Variants in AP1B1 observed in about 807,000 individuals in gnomAD.
AP1B1 encodes the protein AP-1 complex subunit beta-1.
Under a neutral mutation model 104.3 loss-of-function variants are expected in AP1B1, and 36 were observed. The observed-to-expected ratio is 0.35, with a 90% CI of 0.26 to 0.46. The LOEUF (loss-of-function observed/expected upper bound fraction) is 0.46. Among genes scored for constraint, AP1B1 ranks in the 20% least tolerant of loss-of-function variants. AP1B1 has a pLI of 1.00. For synonymous variants in AP1B1, 504 were observed against 517.5 expected (o/e 0.97, Z 0.35); for missense variants, 901 against 1,247.9 (o/e 0.72, Z 4.19).
chr22:29,330,261 T>G, intron 21 of AP1B1, 117 bp downstream of exon 21: 1 of 1,530,616 alleles, frequency 6.5e-7, no homozygotes, highest in Non-Finnish European at 8.8e-7. Flanking sequence ...ACCAAACTGA[T>G]TCTAGTTCAA....
At position 29,336,000 on chromosome 22, in the gene AP1B1, C is replaced by T. The variant is rs148032291; in HGVS notation, c.2164-1590G>A. On this transcript the variant is annotated intron_variant, in intron 16 of 22. Coordinates refer to ENST00000357586, the MANE Select transcript of AP1B1 (RefSeq NM_001127.4). ...TCCTTTCCCCTGGCCCTCTCTCAGT[C>T]GCCCAAGGCTGGGGATGCAGACCGC... 2.3e-3 allele frequency among the ~76,000 whole-genome samples: 352 copies of T among 152,308 alleles called. 1 individual carries two copies. Among genetic ancestry groups the T allele is most frequent in the Middle Eastern group, 0.02 (6 of 294 alleles).
rs766526825 is a variant in AP1B1, at chr22:29,359,931, T to C, written c.172A>G (p.Met58Val). 1 of 1,613,852 alleles carries C rather than the reference T, an allele frequency of 6.2e-7. No homozygotes were observed. The highest frequency in any genetic ancestry group is 1.3e-5 in the African/African-American group (1 of 74,924). Residue 58 changes from methionine to valine, a missense_variant, in exon 4 of 23, where the codon ATG becomes GTG. Transcript: ENST00000357586. ...TTCAGCTCCAGGTTGTCCGTCTGCATGCAGTTGACCACATCGGGGAAGAGG... is the reference window on the plus strand; with the variant it reads ...TTCAGCTCCAGGTTGTCCGTCTGCACGCAGTTGACCACATCGGGGAAGAGG... ...SALFPDVVNC[M>V]QTDNLELKKL...
chr22:29,342,659 G>A (rs1268971652), intron 11 of AP1B1, among the ~76,000 whole-genome samples: 4 of 152,196 alleles, frequency 2.6e-5, no homozygotes, highest in Admixed American at 6.5e-5. Context: ...CAGCCCTAGG[G>A]TTTTAGAAAC....
chr22:29,350,121 C>A lies in AP1B1; in HGVS notation c.1185G>T (p.Leu395=). The A allele has an allele frequency of 6.2e-7, 1 of 1,614,202 alleles. No homozygotes were observed. Among genetic ancestry groups the A allele is most frequent in the Non-Finnish European group, 8.5e-7 (1 of 1,180,024 alleles). ...EQSAERCVST[L]LDLIQTKVNY... Reference sequence around the variant, plus strand: ...TGACCTTGGTCTGGATGAGGTCGAGCAGCGTGCTCACACAGCGCTCCGCAG... The same window carrying A: ...TGACCTTGGTCTGGATGAGGTCGAGAAGCGTGCTCACACAGCGCTCCGCAG... Residue 395 remains leucine (L), a synonymous_variant, in exon 10 of 23, where the codon CTG becomes CTT. Transcript: ENST00000357586.
intron 16 of AP1B1, among the ~76,000 whole-genome samples, chr22:29,338,331 C>A (rs574205146): frequency 6.6e-6 from 1 of 152,226 alleles, no homozygotes; most frequent in Admixed American, 6.5e-5. Context: ...AATGGCACCA[C>A]TGGCCAAACC....
Position 29,362,937 on chromosome 22 carries a change from C to T in AP1B1, c.143+64G>A, listed in dbSNP as rs570744014. On this transcript the variant is annotated intron_variant, in intron 3 of 22. Transcript: ENST00000357586. ...ACCCTAAAGGAGAGACTGAAGTGGA[C>T]CCAAGCTATAAACCCTCCCCTGTCA... is the stretch of plus-strand genomic sequence containing the variant. The T allele has an allele frequency of 7.9e-6, 8 of 1,011,844 alleles. No homozygotes were observed. The East Asian group carries it at 1.4e-4, about 18-fold the overall frequency. 62.7% of individuals were successfully genotyped at this position (1,011,844 alleles called of 1,614,324 possible).
chr22:29,340,038 T>C (rs1323402376), intron 14 of AP1B1, among the ~76,000 whole-genome samples: 1 of 152,062 alleles, frequency 6.6e-6, no homozygotes, highest in Admixed American at 6.5e-5. Flanking sequence ...ATCACCAGTG[T>C]CCTGCCCCCG....
chr22:29,387,937 T>C (rs1344446517), intron 1 of AP1B1, among the ~76,000 whole-genome samples: 1 of 152,236 alleles, frequency 6.6e-6, no homozygotes, highest in Non-Finnish European at 1.5e-5. Flanking sequence ...TCCATTCAGT[T>C]AACTTGTCTT....
rs1267966456 is a variant in AP1B1 at position 29,343,719 on chromosome 22, AC to A, written c.1438-1337del. 2.0e-5 allele frequency among the ~76,000 whole-genome samples: 3 copies of A among 152,328 alleles called. No homozygotes were observed. The South Asian group carries it at 6.2e-4, about 32-fold the overall frequency. On this transcript the variant is annotated intron_variant, in intron 11 of 22. Coordinates refer to ENST00000357586, the MANE Select transcript of AP1B1 (RefSeq NM_001127.4). ...AGTTCTATCACTTCTCAGCTGACAG[AC>A]CCTCGGCAAGTCATTTAGCTTCTCT...
At chr22:29,355,263 C>T (rs190196631) in intron 6 of AP1B1, among the ~76,000 whole-genome samples, 8 of 151,028 alleles carry the variant, frequency 5.3e-5, no homozygotes, top group Non-Finnish European at 1.2e-4. Flanking sequence ...GCATGTTCAG[C>T]CTGGGCAAAA....
chr22:29,356,190 C>T (rs1458242096), intron 6 of AP1B1, among the ~76,000 whole-genome samples: 2 of 152,238 alleles, frequency 1.3e-5, no homozygotes, highest in South Asian at 4.1e-4. Flanking sequence ...TGGGCTTCTG[C>T]CAGCTCCAAG....
At chr22:29,349,144 T>G in intron 11 of AP1B1, 74 bp downstream of exon 11, 6 of 1,559,096 alleles carry the variant, frequency 3.8e-6, no homozygotes, top group Non-Finnish European at 5.2e-6. Context: ...AAGGGAGGGT[T>G]TCATGGCAGT....
intron 4 of AP1B1, 30 bp downstream of exon 4, chr22:29,359,794 T>G: frequency 3.1e-6 from 5 of 1,599,032 alleles, no homozygotes; most frequent in Non-Finnish European, 4.3e-6. Flanking sequence ...AAGCACCCAA[T>G]GTCCCCACGC....
chr22:29,339,673 C>T, intron 15 of AP1B1, 81 bp downstream of exon 15: 1 of 1,487,774 alleles, frequency 6.7e-7, no homozygotes, highest in South Asian at 1.2e-5. Context: ...ACATCACCCG[C>T]CCCCGCCCCT....
intron 1 of AP1B1, among the ~76,000 whole-genome samples, chr22:29,377,951 G>T (rs2062372877): frequency 6.6e-6 from 1 of 151,998 alleles, no homozygotes; most frequent in African/African-American, 2.4e-5. Flanking sequence ...TGGCAGTGCC[G>T]GCACTCTCCA....
chr22:29,385,057 G>GAGGGAAGAGTGCAA (rs1297305098), intron 1 of AP1B1, among the ~76,000 whole-genome samples: 2 of 152,034 alleles, frequency 1.3e-5, no homozygotes, highest in Non-Finnish European at 2.9e-5. Context: ...TGTTCAGGCA[G>GAGGGAAGAGTGCAA]AGGGAAGAGT....
chr22:29,385,852 C>T (rs563872303), intron 1 of AP1B1, among the ~76,000 whole-genome samples: 13 of 152,254 alleles, frequency 8.5e-5, no homozygotes, highest in African/African-American at 3.1e-4. Flanking sequence ...GTGCCAGACA[C>T]GGGAAGTTCC....
chr22:29,350,254 A>C (rs2061854404), intron 9 of AP1B1, 104 bp from the exon 10 acceptor site: 11 of 797,338 alleles, frequency 1.4e-5, no homozygotes, highest in Non-Finnish European at 2.1e-5. Flanking sequence ...CTTCTGGCAC[A>C]CCTTCCTCAT....
At position 29,342,240 on chromosome 22, in the gene AP1B1, G is replaced by C. The variant is rs753318889; in HGVS notation, c.1536+45C>G. On this transcript the variant is annotated intron_variant, in intron 12 of 22. Transcript: ENST00000357586. Reference sequence around the variant, plus strand: ...TCCTGGGACAAAAGTTCCCCTGCTTGAGTGAGGGCTATGCTGGGCACAGCG... The same window carrying C: ...TCCTGGGACAAAAGTTCCCCTGCTTCAGTGAGGGCTATGCTGGGCACAGCG... 4 of 1,507,834 alleles carry C rather than the reference G, an allele frequency of 2.7e-6. No individual in the cohort carries two copies. In the South Asian group the frequency reaches 4.6e-5, roughly 17 times the overall value. 93.4% of individuals were successfully genotyped at this position (1,507,834 alleles called of 1,614,324 possible). A position where few individuals can be genotyped will look rare whatever the true frequency, so the allele number is the denominator to read the frequency against.
Sources: gnomAD v4.1 joint callset for allele counts (sites outside exome capture counted in the v4.1 genomes callset) on GRCh38, gnomAD v4.1.1 for gene constraint, MANE v1.5 for transcripts, NCBI Gene and HGNC (gene_info 2026-07-23, HGNC 2026-07-21) for gene names.